Variants in FNDC3B observed in about 807,000 individuals in gnomAD.
FNDC3B encodes fibronectin type III domain-containing protein 3B.
A neutral mutation model predicts 151.5 loss-of-function variants in FNDC3B; 12 were observed. The observed-to-expected ratio is 0.08, with a 90% CI of 0.05 to 0.13. FNDC3B has a LOEUF of 0.13. Ranked by LOEUF, FNDC3B falls within the 10% of genes least tolerant of loss-of-function variation. The probability of loss-of-function intolerance (pLI) is 1.00; values close to 1 mark genes in which losing one functional copy is unlikely to be tolerated. For synonymous variants in FNDC3B, 528 were observed against 549.0 expected, an observed-to-expected ratio of 0.96 and a Z score of 0.54; for missense variants, 1,214 against 1,505.3, an observed-to-expected ratio of 0.81 and a Z score of 3.20.
At chr3:172,339,491 A>C (rs1199248675) in intron 16 of FNDC3B, among the ~76,000 whole-genome samples, 1 of 152,108 alleles carries the variant, frequency 6.6e-6, no homozygotes, top group East Asian at 1.9e-4. Flanking sequence ...GGAACCCAGG[A>C]GTCGGAGGTC....
At chr3:172,237,356 G>T (rs1727221231) in intron 4 of FNDC3B, 1 of 152,302 alleles carries the variant, frequency 6.6e-6, no homozygotes, top group African/African-American at 2.4e-5. Context: ...CAGGCCGGAG[G>T]ATTGCTTGAG....
rs144288680 is a variant in FNDC3B, at chr3:172,340,196, C to T, written c.1853-917C>T. On this transcript the variant is annotated intron_variant, in intron 16 of 25. Coordinates refer to ENST00000415807, the MANE Select transcript of FNDC3B (RefSeq NM_022763.4). ...GGGGGGCACCCAGACTCCTGGTGAC[C>T]GTTTCTCTCTTCAGTTCCACAAAGC... Among the ~76,000 whole-genome samples, 6 of 152,206 alleles carry T rather than the reference C, an allele frequency of 3.9e-5. No individual in the cohort carries two copies. In the East Asian group the frequency reaches 7.7e-4, roughly 20 times the overall value.
chr3:172,383,440 T>C (rs1257652875), intron 25 of FNDC3B, among the ~76,000 whole-genome samples: 1 of 152,242 alleles, frequency 6.6e-6, no homozygotes, highest in Non-Finnish European at 1.5e-5. Flanking sequence ...TACTGAAGCC[T>C]ACATTCTGTC....
At chr3:172,122,104 T>C (rs1199873547) in intron 2 of FNDC3B, among the ~76,000 whole-genome samples, 2 of 152,238 alleles carry the variant, frequency 1.3e-5, no homozygotes, top group Non-Finnish European at 2.9e-5. Context: ...CAGAATATGT[T>C]TGCACATAAT....
intron 4 of FNDC3B, among the ~76,000 whole-genome samples, chr3:172,230,283 T>A (rs528254635): frequency 6.6e-6 from 1 of 150,944 alleles, no homozygotes; most frequent in East Asian, 1.9e-4. Context: ...ATTTGAGGTC[T>A]GAAGTTCGAG....
At chr3:172,385,092 C>A (rs538641938) in intron 25 of FNDC3B, among the ~76,000 whole-genome samples, 1 of 151,300 alleles carries the variant, frequency 6.6e-6, no homozygotes, top group Admixed American at 6.6e-5. Context: ...TTTCTGGCTT[C>A]TCGCTATTCA....
intron 4 of FNDC3B, among the ~76,000 whole-genome samples, chr3:172,230,789 T>C (rs1398818739): frequency 6.6e-6 from 1 of 152,134 alleles, no homozygotes; most frequent in Admixed American, 6.5e-5. Context: ...TGTGCTAGGA[T>C]TTCTATAGTC....
At chr3:172,345,610 T>A (rs1385761759) in intron 19 of FNDC3B, among the ~76,000 whole-genome samples, 2 of 152,178 alleles carry the variant, frequency 1.3e-5, no homozygotes, top group Non-Finnish European at 2.9e-5. Flanking sequence ...CTTTTTTCTC[T>A]CATTTTGACA....
chr3:172,044,602 T>C (rs1459006043), intron 1 of FNDC3B, among the ~76,000 whole-genome samples: 7 of 152,224 alleles, frequency 4.6e-5, no homozygotes, highest in Admixed American at 2.0e-4. Flanking sequence ...TTACTGAGAC[T>C]GTTCAGATAA....
chr3:172,045,797 T>TAC (rs1180906138), intron 1 of FNDC3B, among the ~76,000 whole-genome samples: 1 of 150,274 alleles, frequency 6.7e-6, no homozygotes, highest in Admixed American at 6.6e-5. Context: ...TCTCTCTCTA[T>TAC]ATATATATAT....
chr3:172,131,593 C>G (rs1392842838), intron 2 of FNDC3B, among the ~76,000 whole-genome samples: 6 of 152,074 alleles, frequency 3.9e-5, no homozygotes. Flanking sequence ...ATGAGAAGCA[C>G]CAAGGGTGAA....
At chr3:172,215,233 A>T (rs1725915800) in intron 3 of FNDC3B, among the ~76,000 whole-genome samples, 1 of 152,346 alleles carries the variant, frequency 6.6e-6, no homozygotes, top group Non-Finnish European at 1.5e-5. Flanking sequence ...CTTGTTATAA[A>T]AACACTTGTT....
intron 4 of FNDC3B, among the ~76,000 whole-genome samples, chr3:172,240,690 C>T (rs943942270): frequency 9.9e-5 from 15 of 152,060 alleles, no homozygotes; most frequent in African/African-American, 3.4e-4. Flanking sequence ...GCAGGGATGC[C>T]AATACCTAAT....
intron 3 of FNDC3B, among the ~76,000 whole-genome samples, chr3:172,185,150 C>T (rs1165262327): frequency 6.6e-6 from 1 of 152,196 alleles, no homozygotes; most frequent in Non-Finnish European, 1.5e-5. Flanking sequence ...ACTGAACAAT[C>T]TCCACTCCAT....
chr3:172,055,724 G>A (rs939056117), intron 1 of FNDC3B, among the ~76,000 whole-genome samples: 1 of 152,016 alleles, frequency 6.6e-6, no homozygotes, highest in African/African-American at 2.4e-5. Flanking sequence ...GAGAACAGGC[G>A]ATGGCTAGGG....
In FNDC3B at chr3:172,342,948, A is replaced by G. The variant is rs773659310; in HGVS notation, c.1972-63A>G. On this transcript the variant is annotated intron_variant, in intron 17 of 25. Coordinates refer to ENST00000415807, the MANE Select transcript of FNDC3B (RefSeq NM_022763.4). ...AGTTATGGGGTGGAATTTGCCTGAT[A>G]TGTAGAGGTCTGATAAATTCACAGT... 59 of 1,000,178 alleles carry G rather than the reference A, an allele frequency of 5.9e-5. No homozygotes were observed. The East Asian group carries it at 8.1e-4, about 14-fold the overall frequency. The allele number at this position is 1,000,178 out of a possible 1,614,324, so 62.0% of individuals were successfully genotyped here.
intron 3 of FNDC3B, chr3:172,134,326 A>C (rs1261188654): frequency 1.9e-6 from 1 of 515,762 alleles, no homozygotes; most frequent in African/African-American, 1.9e-5. Context: ...TAGGAAGATC[A>C]ACCTAGATCT....
rs1364757505 is a variant in FNDC3B at position 172,251,937 on chromosome 3, A to C, written c.790+396A>C. ...TAATTATACCTCATAAACCATACGTAATTACTTCCTTTCTGTAATGAAATC... is the reference window on the plus strand; with the variant it reads ...TAATTATACCTCATAAACCATACGTCATTACTTCCTTTCTGTAATGAAATC... On this transcript the variant is annotated intron_variant, in intron 6 of 25. Coordinates refer to ENST00000415807, the MANE Select transcript of FNDC3B (RefSeq NM_022763.4). Among the ~76,000 whole-genome samples the C allele has an allele frequency of 2.0e-5, 3 of 152,248 alleles. No homozygotes were observed. The South Asian group carries it at 6.2e-4, about 31-fold the overall frequency.
intron 11 of FNDC3B, among the ~76,000 whole-genome samples, chr3:172,312,187 C>T (rs1731537097): frequency 6.6e-6 from 1 of 152,196 alleles, no homozygotes; most frequent in Non-Finnish European, 1.5e-5. Context: ...AGAGGTCCGT[C>T]ATCACTTTCT....
Sources: gnomAD v4.1 joint callset for allele counts (sites outside exome capture counted in the v4.1 genomes callset) on GRCh38, gnomAD v4.1.1 for gene constraint, MANE v1.5 for transcripts, NCBI Gene and HGNC (gene_info 2026-07-23, HGNC 2026-07-21) for gene names.